CRPPA: variants seen among roughly 807,000 people sequenced by gnomAD.
CRPPA encodes the protein CDP-L-ribitol pyrophosphorylase A, also known as D-ribitol-5-phosphate cytidylyltransferase.
A neutral mutation model predicts 52.0 loss-of-function variants in CRPPA; 43 were observed. The observed-to-expected ratio is 0.83, with a 90% CI of 0.65 to 1.07. CRPPA has a LOEUF of 1.07. CRPPA is among the 50% of genes least tolerant of loss of function. The pLI is 0.00. For synonymous variants in CRPPA, 250 were observed against 203.5 expected, an observed-to-expected ratio of 1.23 and a Z score of -1.94; for missense variants, 629 against 551.7, an observed-to-expected ratio of 1.14 and a Z score of -1.40.
chr7:16,110,273 G>C (rs1304498568), intron 9 of CRPPA, among the ~76,000 whole-genome samples: 1 of 151,970 alleles, frequency 6.6e-6, no homozygotes, highest in Non-Finnish European at 1.5e-5. Context: ...AAAAATTGAA[G>C]ACAACACTAA....
chr7:16,333,189 A>T (rs1785597202), intron 3 of CRPPA, among the ~76,000 whole-genome samples: 1 of 152,224 alleles, frequency 6.6e-6, no homozygotes, highest in South Asian at 2.1e-4. Flanking sequence ...TTTCTATCAG[A>T]AATGGACATA....
At position 16,116,687 on chromosome 7, in the gene CRPPA, G is replaced by GGAAGGGAAGGGAAAGGAAAGA. The variant is rs1562511957; in HGVS notation, c.1252-24889_1252-24888insTCTTTCCTTTCCCTTCCCTTC. Among the ~76,000 whole-genome samples the GGAAGGGAAGGGAAAGGAAAGA allele has an allele frequency of 2.0e-3, 299 of 150,552 alleles. No homozygotes were observed. The East Asian group carries it at 0.025, about 13-fold the overall frequency. On this transcript the variant is annotated intron_variant, in intron 9 of 9. Transcript: ENST00000407010. ...AAAAAAAAAAAAAAGGAAAGGAAAG[G>GGAAGGGAAGGGAAAGGAAAGA]GAAGGGAAAGGGAAGGGAGAGAGAG... is the stretch of plus-strand genomic sequence containing the variant.
intron 2 of CRPPA, among the ~76,000 whole-genome samples, chr7:16,391,907 A>G (rs1290425389): frequency 2.0e-5 from 3 of 152,164 alleles, no homozygotes; most frequent in African/African-American, 7.2e-5. Flanking sequence ...ATATGTCTTC[A>G]TGATATTTTA....
At chr7:16,251,759 C>T (rs1783455786) in intron 8 of CRPPA, among the ~76,000 whole-genome samples, 1 of 152,020 alleles carries the variant, frequency 6.6e-6, no homozygotes, top group Admixed American at 6.6e-5. Context: ...GTACTAAATA[C>T]CCACAAGAGA....
chr7:16,400,773 C>T (rs540387359), intron 2 of CRPPA, among the ~76,000 whole-genome samples: 190 of 152,330 alleles, frequency 1.2e-3, no homozygotes, highest in Non-Finnish European at 2.0e-3. Context: ...TGATGGAAGA[C>T]GTGGACACAT....
chr7:16,119,169 A>G (rs927553309), intron 9 of CRPPA, among the ~76,000 whole-genome samples: 1 of 152,148 alleles, frequency 6.6e-6, no homozygotes, highest in Non-Finnish European at 1.5e-5. Context: ...TAACTGCTTG[A>G]TAAGACTCAA....
chr7:16,252,725 G>A (rs1177788170), intron 8 of CRPPA, among the ~76,000 whole-genome samples: 2 of 151,998 alleles, frequency 1.3e-5, no homozygotes, highest in Non-Finnish European at 2.9e-5. Context: ...GCTGTGAATC[G>A]GTCTGGTCCT....
intron 2 of CRPPA, among the ~76,000 whole-genome samples, chr7:16,382,604 T>C (rs1787130489): frequency 6.6e-6 from 1 of 152,106 alleles, no homozygotes; most frequent in African/African-American, 2.4e-5. Flanking sequence ...CTTGGTTCCA[T>C]TCTCCCCGTC....
chr7:16,241,244 T>C (rs1324140386), intron 8 of CRPPA, among the ~76,000 whole-genome samples: 1 of 152,166 alleles, frequency 6.6e-6, no homozygotes, highest in Non-Finnish European at 1.5e-5. Context: ...TATTTTCAAG[T>C]ATTTTAAAGA....
At chr7:16,301,075 G>A (rs984248406) in intron 5 of CRPPA, among the ~76,000 whole-genome samples, 2 of 152,170 alleles carry the variant, frequency 1.3e-5, no homozygotes, top group African/African-American at 4.8e-5. Context: ...ACACTGTTAA[G>A]GGGAGAGGGC....
At chr7:16,337,465 C>A (rs559177696) in intron 3 of CRPPA, among the ~76,000 whole-genome samples, 3 of 152,008 alleles carry the variant, frequency 2.0e-5, no homozygotes, top group Admixed American at 2.0e-4. Context: ...AGCAAAGAGT[C>A]CTAAGTGGCA....
At chr7:16,286,085 TTTAAAA>T (rs1784438206) in intron 5 of CRPPA, among the ~76,000 whole-genome samples, 2 of 15,624 alleles carry the variant, frequency 1.3e-4, no homozygotes, top group African/African-American at 2.7e-4. Flanking sequence ...ATATATAATA[TTTAAAA>T]AAAAAAATAT....
intron 9 of CRPPA, among the ~76,000 whole-genome samples, chr7:16,193,258 C>A (rs150125942): frequency 6.6e-4 from 100 of 152,186 alleles, no homozygotes; most frequent in African/African-American, 2.3e-3. Flanking sequence ...CATTTCTCTA[C>A]ACTTATATTC....
intron 2 of CRPPA, among the ~76,000 whole-genome samples, chr7:16,397,597 T>G (rs1038736910): frequency 1.3e-5 from 2 of 152,016 alleles, no homozygotes; most frequent in African/African-American, 4.8e-5. Context: ...GACAGATTAC[T>G]GACGTGTGAC....
At chr7:16,126,311 T>A (rs1371656339) in intron 9 of CRPPA, among the ~76,000 whole-genome samples, 2 of 152,106 alleles carry the variant, frequency 1.3e-5, no homozygotes, top group African/African-American at 4.8e-5. Context: ...GTGTCTTAGG[T>A]TTCTGGGAAA....
At chr7:16,155,787 C>A (rs756276708) in intron 9 of CRPPA, among the ~76,000 whole-genome samples, 3 of 152,108 alleles carry the variant, frequency 2.0e-5, no homozygotes, top group African/African-American at 7.2e-5. Flanking sequence ...TTTAACTGTG[C>A]AGTGGGTCAG....
chr7:16,274,128 C>T (rs1784154030), intron 6 of CRPPA, among the ~76,000 whole-genome samples: 1 of 152,188 alleles, frequency 6.6e-6, no homozygotes, highest in Admixed American at 6.5e-5. Flanking sequence ...CGGCTCACTG[C>T]AACCTCTGCC....
intron 9 of CRPPA, among the ~76,000 whole-genome samples, chr7:16,114,756 C>T (rs1300701862): frequency 6.6e-6 from 1 of 152,012 alleles, no homozygotes; most frequent in Non-Finnish European, 1.5e-5. Flanking sequence ...CTGGAGGACA[C>T]ATAACTCCTT....
chr7:16,241,504 T>A (rs2128406512), intron 8 of CRPPA, among the ~76,000 whole-genome samples: 1 of 152,296 alleles, frequency 6.6e-6, no homozygotes, highest in African/African-American at 2.4e-5. Flanking sequence ...AAAATGCGAT[T>A]AACTATTTTA....
Sources: allele counts gnomAD v4.1 joint callset (sites outside exome capture counted in the v4.1 genomes callset), GRCh38; gene constraint gnomAD v4.1.1; transcripts MANE v1.5; gene names NCBI Gene and HGNC (gene_info 2026-07-23, HGNC 2026-07-21).